Variants in XPNPEP2 observed in about 807,000 individuals in gnomAD.
XPNPEP2 encodes X-prolyl aminopeptidase 2.
Under a neutral mutation model 59.8 loss-of-function variants are expected in XPNPEP2, and 64 were observed. That is an observed-to-expected ratio of 1.07 (90% CI 0.87 to 1.32). The LOEUF (loss-of-function observed/expected upper bound fraction) is 1.32, where lower values mean the gene tolerates loss of function less well. Among genes scored for constraint, XPNPEP2 ranks in the 40% most tolerant of loss-of-function variants. XPNPEP2 has a pLI of 0.00. For missense variants in XPNPEP2, 575 were observed against 546.8 expected (o/e 1.05, Z -0.51); for synonymous variants, 235 against 210.0 (o/e 1.12, Z -1.03).
chrX:129,766,345 G>A (rs56141336), intron 19 of XPNPEP2, among the ~76,000 whole-genome samples: 7 of 111,720 alleles, frequency 6.3e-5, no homozygotes, highest in Non-Finnish European at 1.1e-4. Flanking sequence ...GACTACAGGC[G>A]CCCACCACCA....
intron 4 of XPNPEP2, among the ~76,000 whole-genome samples, chrX:129,745,670 T>C (rs1926280103): frequency 9.0e-6 from 1 of 111,564 alleles, no homozygotes; most frequent in African/African-American, 3.3e-5. Flanking sequence ...CAACATCACT[T>C]CACATGGCCA....
chrX:129,748,395 A>G (rs965460523), intron 7 of XPNPEP2, among the ~76,000 whole-genome samples: 2 of 112,537 alleles, frequency 1.8e-5, no homozygotes, highest in Non-Finnish European at 3.8e-5. Flanking sequence ...AGTCGTAACT[A>G]AAGTCCTGAC....
intron 19 of XPNPEP2, among the ~76,000 whole-genome samples, chrX:129,766,491 G>A (rs1304772095): frequency 9.0e-6 from 1 of 110,864 alleles, no homozygotes; most frequent in Non-Finnish European, 1.9e-5. Flanking sequence ...ACAGGCGTAA[G>A]CCATCCATTG....
At chrX:129,758,600 G>T (rs1381833137) in intron 14 of XPNPEP2, among the ~76,000 whole-genome samples, 2 of 111,635 alleles carry the variant, frequency 1.8e-5, no homozygotes, top group African/African-American at 6.5e-5. Flanking sequence ...GGACTGTGTG[G>T]AGAGGCAGTG....
intron 11 of XPNPEP2, among the ~76,000 whole-genome samples, chrX:129,753,737 G>A (rs1380047690): frequency 8.9e-6 from 1 of 111,881 alleles, no homozygotes; most frequent in African/African-American, 3.3e-5. Context: ...ATAGTACAGT[G>A]GTTTAGAGCA....
At chrX:129,759,868 G>C (rs1240467080) in intron 15 of XPNPEP2, among the ~76,000 whole-genome samples, 1 of 112,490 alleles carries the variant, frequency 8.9e-6, no homozygotes. Context: ...TGGTGATGGA[G>C]ATTGACCACA....
Position 129,761,199 on chromosome X carries a change from G to C in XPNPEP2, c.1526G>C (p.Arg509Thr). The C allele has an allele frequency of 8.2e-7, 1 of 1,212,172 alleles. No individual in the cohort carries two copies. Among genetic ancestry groups the C allele is most frequent in the Non-Finnish European group, 1.1e-6 (1 of 895,571 alleles). Residue 509 changes from arginine to threonine, a missense_variant, in exon 17 of 21, where the codon AGA (arginine) becomes ACA (threonine). Coordinates refer to ENST00000371106, the MANE Select transcript of XPNPEP2 (RefSeq NM_003399.6). ...SGRMVEAFAR[R>T]ALWDAGLNYG... ...CGAATGGTGGAGGCCTTTGCCCGCA[G>C]AGCCTTGTGGGATGCTGGTCTCAAT...
chrX:129,759,942 G>T (rs139306342), intron 15 of XPNPEP2, among the ~76,000 whole-genome samples: 2 of 112,231 alleles, frequency 1.8e-5, no homozygotes, highest in African/African-American at 6.5e-5. Flanking sequence ...ACAGAGGAAG[G>T]CTAAGCTGCC....
intron 14 of XPNPEP2, among the ~76,000 whole-genome samples, chrX:129,758,332 G>A (rs914410025): frequency 9.0e-6 from 1 of 111,372 alleles, no homozygotes; most frequent in African/African-American, 3.3e-5. Context: ...TGTGCTCAGA[G>A]TAGGGTGAGG....
chrX:129,756,610 C>T, intron 14 of XPNPEP2, 55 bp downstream of exon 14: 1 of 1,122,524 alleles, frequency 8.9e-7, no homozygotes, highest in Non-Finnish European at 1.2e-6. Context: ...CCTCCTGAGC[C>T]TGCCAAGAGT....
At chrX:129,765,529 A>G (rs1926732695) in intron 19 of XPNPEP2, among the ~76,000 whole-genome samples, 1 of 111,301 alleles carries the variant, frequency 9.0e-6, no homozygotes, top group South Asian at 3.8e-4. Flanking sequence ...TCACATACTC[A>G]CTAGCACTGA....
At chrX:129,753,724 A>G (rs1376595021) in intron 11 of XPNPEP2, among the ~76,000 whole-genome samples, 4 of 111,725 alleles carry the variant, frequency 3.6e-5, no homozygotes, top group African/African-American at 1.3e-4. Context: ...CCTTGCCCCC[A>G]ATATAGTACA....
intron 14 of XPNPEP2, among the ~76,000 whole-genome samples, chrX:129,757,883 GAGAGAGAGAGAGAAAGAAAGAAAGAA>G (rs1446837436): frequency 6.3e-4 from 51 of 81,248 alleles, no homozygotes; most frequent in African/African-American, 2.5e-3. Flanking sequence ...AAGAGAGAGA[GAGAGAGAGAGAGAAAGAAAGAAAGAA>G]AGAAAGAAAG....
In XPNPEP2 at chrX:129,760,137, T is replaced by C. The variant is rs746739266; in HGVS notation, c.1429-375T>C. On this transcript the variant is annotated intron_variant, in intron 15 of 20. Coordinates refer to ENST00000371106, the MANE Select transcript of XPNPEP2 (RefSeq NM_003399.6). ...GGTCCTGTTATCTTCCCATCGCAGA[T>C]AAGGAAACTGAGGCACACAGCAGTT... 4.4e-5 allele frequency among the ~76,000 whole-genome samples: 5 copies of C among 112,608 alleles called. No homozygotes were observed. In the South Asian group the frequency reaches 1.1e-3, roughly 25 times the overall value.
At chrX:129,766,018 T>C (rs1926745728) in intron 19 of XPNPEP2, among the ~76,000 whole-genome samples, 1 of 112,225 alleles carries the variant, frequency 8.9e-6, no homozygotes, top group East Asian at 2.8e-4. Flanking sequence ...GAATTGCTTT[T>C]TCATGTCCTT....
intron 8 of XPNPEP2, among the ~76,000 whole-genome samples, chrX:129,751,109 C>G (rs911087137): frequency 2.9e-4 from 24 of 82,903 alleles, no homozygotes; most frequent in Admixed American, 1.1e-3. Context: ...CCCCCACCCC[C>G]CCCCCCCGGC....
chrX:129,765,195 G>A (rs976930199), intron 19 of XPNPEP2, among the ~76,000 whole-genome samples: 2 of 111,300 alleles, frequency 1.8e-5, no homozygotes, highest in Admixed American at 9.6e-5. Flanking sequence ...CTGCAATAGC[G>A]CAGGGAGATC....
In XPNPEP2 at chrX:129,767,701, C is replaced by A; in HGVS notation, c.1830+9C>A. The A allele has an allele frequency of 8.3e-7, 1 of 1,209,639 alleles. No individual in the cohort carries two copies. The highest frequency in any genetic ancestry group is 1.1e-6 in the Non-Finnish European group (1 of 893,664). On this transcript the variant is annotated intron_variant, in intron 20 of 20. Transcript: ENST00000371106. ...TGCTGTCTCCCGAGCATGTGAGTGC[C>A]CCTCAGCATTGCCTTCTCCCTGACC...
rs568918104 is a variant in XPNPEP2 at position 129,761,422 on chromosome X, A to G, written c.1603+146A>G. ...GTTACCCAGCTCCACAGGGTAAGTGAGGAATGCCAGCAGCAGGCCAGTCCT... is the reference window on the plus strand; with the variant it reads ...GTTACCCAGCTCCACAGGGTAAGTGGGGAATGCCAGCAGCAGGCCAGTCCT... On this transcript the variant is annotated intron_variant, in intron 17 of 20. Coordinates refer to ENST00000371106, the MANE Select transcript of XPNPEP2 (RefSeq NM_003399.6). The G allele has an allele frequency of 5.9e-4, 295 of 495,951 alleles. 2 individuals are homozygous for G. The South Asian group carries it at 9.7e-3, about 16-fold the overall frequency. 40.9% of individuals were successfully genotyped at this position (495,951 alleles called of 1,213,427 possible).
Sources: allele counts gnomAD v4.1 joint callset (sites outside exome capture counted in the v4.1 genomes callset), GRCh38; gene constraint gnomAD v4.1.1; transcripts MANE v1.5; gene names NCBI Gene and HGNC (gene_info 2026-07-23, HGNC 2026-07-21).